The following NFIL3 variants were observed in gnomAD, a reference collection of about 807,000 sequenced individuals.
NFIL3 encodes the protein nuclear factor interleukin-3-regulated protein.
NFIL3 carries 5 observed loss-of-function variants against 10.0 expected under a neutral mutation model. The observed-to-expected ratio is 0.50, with a 90% confidence interval of 0.26 to 1.06. NFIL3 has a LOEUF of 1.06. Among genes scored for constraint, NFIL3 ranks in the 50% least tolerant of loss-of-function variants. The pLI, the probability that NFIL3 is intolerant of heterozygous loss-of-function variation, is 0.13. For synonymous variants in NFIL3, 202 were observed against 206.5 expected (o/e 0.98, Z 0.19); for missense variants, 436 against 547.6 (o/e 0.80, Z 2.03).
At chr9:91,424,517 C>T (rs1833845292), upstream of NFIL3, among the ~76,000 whole-genome samples, 1 of 152,188 alleles carries the variant, frequency 6.6e-6, no homozygotes, top group Non-Finnish European at 1.5e-5. Context: ...CTGCGCAGGG[C>T]TGCGCGGCGG....
chr9:91,461,630 T>C, the NFIL3 span, among the ~76,000 whole-genome samples: 64 of 152,318 alleles, frequency 4.2e-4, no homozygotes, highest in South Asian at 8.3e-4. Context: ...TCTTGGCTTA[T>C]GGCCGCGTCT....
At chr9:91,448,780 A>C in the NFIL3 span, among the ~76,000 whole-genome samples, 1 of 152,132 alleles carries the variant, frequency 6.6e-6, no homozygotes. Flanking sequence ...AAAAAAGGTC[A>C]TCAGAATCTT....
the NFIL3 span, among the ~76,000 whole-genome samples, chr9:91,476,328 T>C: frequency 2.0e-5 from 3 of 152,178 alleles, no homozygotes; most frequent in African/African-American, 7.2e-5. Context: ...ATCCCAGCAC[T>C]TTGGGAGGCT....
the NFIL3 span, among the ~76,000 whole-genome samples, chr9:91,466,480 T>G: frequency 6.6e-6 from 1 of 152,224 alleles, no homozygotes; most frequent in Non-Finnish European, 1.5e-5. Flanking sequence ...TTGTTATGGA[T>G]ATGTATGTTT....
chr9:91,448,037 G>T, the NFIL3 span, among the ~76,000 whole-genome samples: 1 of 152,214 alleles, frequency 6.6e-6, no homozygotes, highest in African/African-American at 2.4e-5. Flanking sequence ...ATGAACTAGG[G>T]ATTCAACTTT....
At chr9:91,453,550 C>A in the NFIL3 span, among the ~76,000 whole-genome samples, 1 of 152,036 alleles carries the variant, frequency 6.6e-6, no homozygotes, top group African/African-American at 2.4e-5. Flanking sequence ...AAAAATTCTT[C>A]TTAAATCCTT....
Position 91,410,848 on chromosome 9 carries a change from A to G in NFIL3, c.-114T>C. The G allele has an allele frequency of 8.7e-7, 1 of 1,146,624 alleles. No homozygotes were observed. Among genetic ancestry groups the G allele is most frequent in the South Asian group, 1.8e-5 (1 of 56,664 alleles). The allele number at this position is 1,146,624 out of a possible 1,614,324, so 71.0% of individuals were successfully genotyped here. On this transcript the variant is annotated 5_prime_UTR_variant, in exon 2 of 2. Transcript: ENST00000297689. This position sits in a 1 kb window ranked among gnomAD's most constrained non-coding sequence, Gnocchi z 5.7. ...CCATCAATATTCTTCCTTTTGTTCT[A>G]CCGTCTGGGATAAATCCGTCAGGCT... is the stretch of plus-strand genomic sequence containing the variant.
the NFIL3 span, among the ~76,000 whole-genome samples, chr9:91,435,344 T>C: frequency 6.6e-6 from 1 of 152,170 alleles, no homozygotes; most frequent in African/African-American, 2.4e-5. Context: ...CCTGCAGCAA[T>C]TGCTAACTCA....
chr9:91,449,068 T>C, the NFIL3 span, among the ~76,000 whole-genome samples: 1 of 152,254 alleles, frequency 6.6e-6, no homozygotes, highest in African/African-American at 2.4e-5. Flanking sequence ...ATTTTTGGTA[T>C]TGACATTGCA....
At chr9:91,416,245 G>A (rs1482654708) in intron 1 of NFIL3, among the ~76,000 whole-genome samples, 1 of 149,830 alleles carries the variant, frequency 6.7e-6, no homozygotes, top group African/African-American at 2.5e-5. Context: ...CTCTCATTTT[G>A]CAGATTAATC....
the NFIL3 span, among the ~76,000 whole-genome samples, chr9:91,454,356 G>A: frequency 6.6e-6 from 1 of 151,790 alleles, no homozygotes; most frequent in South Asian, 2.1e-4. Context: ...CAACTTTCTG[G>A]GAGGCTTTTT....
the NFIL3 span, among the ~76,000 whole-genome samples, chr9:91,436,573 GCCT>G: frequency 8.4e-3 from 1,144 of 135,942 alleles, 10 homozygotes; most frequent in East Asian, 0.051. Context: ...GCAAGACTCT[GCCT>G]CAACAACAAC....
the NFIL3 span, among the ~76,000 whole-genome samples, chr9:91,465,280 T>A: frequency 6.6e-6 from 1 of 152,044 alleles, no homozygotes; most frequent in African/African-American, 2.4e-5. Context: ...TTCTGTTTTT[T>A]AAAAAAAATA....
the NFIL3 span, among the ~76,000 whole-genome samples, chr9:91,438,833 A>G: frequency 1.3e-5 from 2 of 152,144 alleles, no homozygotes; most frequent in Admixed American, 6.5e-5. Context: ...GTTTGGATTT[A>G]CTTCTGTGCA....
At chr9:91,448,668 G>T in the NFIL3 span, among the ~76,000 whole-genome samples, 1 of 152,188 alleles carries the variant, frequency 6.6e-6, no homozygotes, top group Non-Finnish European at 1.5e-5. Context: ...AAACTGGGAA[G>T]TGTGAGTCTT....
the NFIL3 span, among the ~76,000 whole-genome samples, chr9:91,476,980 G>T: frequency 6.6e-6 from 1 of 152,194 alleles, no homozygotes; most frequent in African/African-American, 2.4e-5. Flanking sequence ...TCTAATTCCT[G>T]TTAAATGATC....
the NFIL3 span, among the ~76,000 whole-genome samples, chr9:91,443,526 G>A: frequency 7.9e-5 from 12 of 152,370 alleles, no homozygotes; most frequent in Admixed American, 2.0e-4. Context: ...CCAAAGTTTG[G>A]AGGAGGCCAA....
At chr9:91,476,045 G>A in the NFIL3 span, among the ~76,000 whole-genome samples, 1 of 152,204 alleles carries the variant, frequency 6.6e-6, no homozygotes, top group South Asian at 2.1e-4. Context: ...TGCTCCATAA[G>A]GAAAGAGGCT....
At chr9:91,417,551 G>C (rs1188510054) in intron 1 of NFIL3, among the ~76,000 whole-genome samples, 1 of 152,038 alleles carries the variant, frequency 6.6e-6, no homozygotes, top group East Asian at 1.9e-4. Flanking sequence ...AAACAATCTA[G>C]TATTTAAAAG....
Sources: allele counts gnomAD v4.1 joint callset (sites outside exome capture counted in the v4.1 genomes callset), GRCh38; gene constraint gnomAD v4.1.1; non-coding constraint Gnocchi (gnomAD v3.1); transcripts MANE v1.5; gene names NCBI Gene and HGNC (gene_info 2026-07-23, HGNC 2026-07-21).